Variants in UNC79 observed in about 807,000 individuals in gnomAD.
UNC79 encodes the protein protein unc-79 homolog.
Under a neutral mutation model 283.1 loss-of-function variants are expected in UNC79, and 37 were observed. The observed-to-expected ratio is 0.13, with a 90% CI of 0.10 to 0.17. The LOEUF is 0.17. UNC79 is among the 10% of genes least tolerant of loss of function. UNC79 has a pLI of 1.00. For missense variants in UNC79, 2,272 were observed against 3,211.1 expected, an observed-to-expected ratio of 0.71 and a Z score of 7.07; for synonymous variants, 1,107 against 1,200.2, an observed-to-expected ratio of 0.92 and a Z score of 1.61.
chr14:93,351,529 C>G (rs185616765), intron 1 of UNC79, among the ~76,000 whole-genome samples: 2 of 152,186 alleles, frequency 1.3e-5, no homozygotes, highest in East Asian at 3.9e-4. Flanking sequence ...TCAGTATACC[C>G]CAAATAGACT....
At chr14:93,352,255 C>A (rs905332934) in intron 1 of UNC79, among the ~76,000 whole-genome samples, 2 of 152,166 alleles carry the variant, frequency 1.3e-5, no homozygotes, top group Non-Finnish European at 2.9e-5. Context: ...TTCAGTGAGA[C>A]CTTACTTTTG....
At chr14:93,339,247 T>C (rs2053647558) in intron 1 of UNC79, among the ~76,000 whole-genome samples, 1 of 152,162 alleles carries the variant, frequency 6.6e-6, no homozygotes, top group Non-Finnish European at 1.5e-5. Flanking sequence ...CCTCACCAGA[T>C]GACTCAAAGA....
intron 14 of UNC79, among the ~76,000 whole-genome samples, chr14:93,553,315 G>T (rs954498383): frequency 5.3e-5 from 8 of 152,122 alleles, no homozygotes; most frequent in Non-Finnish European, 1.2e-4. Flanking sequence ...GGAAGAAAAG[G>T]TCATAAACAG....
At chr14:93,556,963 A>G (rs1322622940) in intron 14 of UNC79, among the ~76,000 whole-genome samples, 1 of 152,238 alleles carries the variant, frequency 6.6e-6, no homozygotes, top group East Asian at 1.9e-4. Context: ...GGGTCTTGAT[A>G]CAGACCCCAA....
At position 93,688,936 on chromosome 14, in the gene UNC79, AT is replaced by A; in HGVS notation, c.7085+99del. The A allele has an allele frequency of 7.4e-7, 1 of 1,343,134 alleles. No individual in the cohort carries two copies. Among genetic ancestry groups the A allele is most frequent in the Non-Finnish European group, 1.0e-6 (1 of 990,632 alleles). The allele number at this position is 1,343,134 out of a possible 1,614,324, so 83.2% of individuals were successfully genotyped here. On this transcript the variant is annotated intron_variant, in intron 44 of 48. Transcript: ENST00000555664. The surrounding 1 kb of genome is among the most constrained non-coding windows in gnomAD (Gnocchi z 4.0). ...GCTAGAGTTAAGGAGTACACCGAAG[AT>A]TTATGACAGTGGAATATACTTGGTT...
exon 16 of UNC79, chr14:93,572,743 T>C (rs754152834): frequency 6.2e-7 from 1 of 1,614,164 alleles, no homozygotes; most frequent in Admixed American, 1.7e-5. Flanking sequence ...ATGGAGGAGA[T>C]GTTTGGTTTT....
At chr14:93,626,794 A>ATTAGTATAGAGTTTGGAAGAGACAAACG (rs2067603606) in intron 30 of UNC79, among the ~76,000 whole-genome samples, 1 of 152,184 alleles carries the variant, frequency 6.6e-6, no homozygotes, top group Non-Finnish European at 1.5e-5. Flanking sequence ...AGAGACAAAC[A>ATTAGTATAGAGTTTGGAAGAGACAAACG]TTAGTATAGA....
intron 22 of UNC79, among the ~76,000 whole-genome samples, chr14:93,589,508 A>G (rs1320436857): frequency 6.6e-6 from 1 of 152,126 alleles, no homozygotes; most frequent in Non-Finnish European, 1.5e-5. Flanking sequence ...GAGTAAAGAC[A>G]GAGGCCACTG....
chr14:93,333,509 G>GAGCACTTGTCTATCGTA, exon 1 of UNC79: 1 of 398,444 alleles, frequency 2.5e-6, no homozygotes, highest in East Asian at 3.6e-5. Context: ...TCTTGGCAGT[G>GAGCACTTGTCTATCGTA]AGCACTTGTC....
At chr14:93,385,583 A>G (rs1272856253) in intron 1 of UNC79, among the ~76,000 whole-genome samples, 1 of 152,136 alleles carries the variant, frequency 6.6e-6, no homozygotes, top group Non-Finnish European at 1.5e-5. Flanking sequence ...ATTCGAGACC[A>G]GCCTGGCCAA....
At chr14:93,431,880 G>T (rs1254451761) in intron 1 of UNC79, among the ~76,000 whole-genome samples, 3 of 152,222 alleles carry the variant, frequency 2.0e-5, no homozygotes, top group African/African-American at 7.2e-5. Context: ...TTCGGTGTGT[G>T]CTTGGTAGGT....
chr14:93,370,354 A>G (rs2054416822), intron 1 of UNC79, among the ~76,000 whole-genome samples: 1 of 152,180 alleles, frequency 6.6e-6, no homozygotes. Context: ...AGAGGTGGAA[A>G]CCTTAAGAAA....
At chr14:93,573,873 C>T (rs567442735) in intron 16 of UNC79, among the ~76,000 whole-genome samples, 118 of 152,234 alleles carry the variant, frequency 7.8e-4, no homozygotes, top group Non-Finnish European at 1.4e-3. Context: ...GTCGTGGTGA[C>T]GCACGCCTGT....
chr14:93,609,557 G>A (rs74790655), intron 26 of UNC79, among the ~76,000 whole-genome samples: 2,187 of 152,064 alleles, frequency 0.014, 51 homozygotes, highest in African/African-American at 0.05. Context: ...AAAATATAAC[G>A]TCAGACCCTT....
At position 93,586,826 on chromosome 14, in the gene UNC79, C is replaced by G. The variant is rs138158671; in HGVS notation, c.2950C>G (p.Leu984Val). The G allele has an allele frequency of 5.4e-5, 87 of 1,614,024 alleles. 1 individual carries two copies. In the South Asian group the frequency reaches 7.0e-4, roughly 13 times the overall value. Residue 984 changes from leucine to valine, a missense_variant, in exon 22 of 49, where the codon CTG becomes GTG. By Grantham distance (32) the Leu-to-Val change is conservative. Around this residue, in one of 11 missense-constraint regions of UNC79, gnomAD observed 237 missense variants for 378.9 expected, o/e 0.63. Transcript: ENST00000555664. ...GCTCAATTGCCTGAAGATTCTCTGT[C>G]TGCATGGAGAATGTTTATACATTGC...
intron 7 of UNC79, among the ~76,000 whole-genome samples, chr14:93,505,270 T>C (rs2140761850): frequency 6.6e-6 from 1 of 152,262 alleles, no homozygotes; most frequent in South Asian, 2.1e-4. Flanking sequence ...AATCTCTTAC[T>C]ATGACTGTGG....
At chr14:93,350,131 G>A (rs893325368) in intron 1 of UNC79, among the ~76,000 whole-genome samples, 4 of 152,058 alleles carry the variant, frequency 2.6e-5, no homozygotes, top group Non-Finnish European at 5.9e-5. Flanking sequence ...ACATCTGATA[G>A]TTCAGGATTT....
exon 1 of UNC79, chr14:93,431,003 G>C: frequency 1.4e-6 from 1 of 701,488 alleles, no homozygotes; most frequent in Non-Finnish European, 2.6e-6. Context: ...AGATTTTGGG[G>C]CAAAGCCTTT....
chr14:93,386,160 T>A (rs1025206720), intron 1 of UNC79, among the ~76,000 whole-genome samples: 1 of 152,176 alleles, frequency 6.6e-6, no homozygotes, highest in Admixed American at 6.5e-5. Context: ...ATACCCAGTT[T>A]TTTTGGGTTT....
Sources: gnomAD v4.1 joint callset for allele counts (sites outside exome capture counted in the v4.1 genomes callset) on GRCh38, gnomAD v4.1.1 for gene constraint, gnomAD v4.1.1 regional missense constraint, Gnocchi (gnomAD v3.1) non-coding constraint, MANE v1.5 for transcripts, NCBI Gene and HGNC (gene_info 2026-07-23, HGNC 2026-07-21) for gene names.